Variants in NREP observed in about 807,000 individuals in gnomAD.
The protein encoded by NREP is neuronal regeneration-related protein.
Under a neutral mutation model 8.6 loss-of-function variants are expected in NREP, and 5 were observed. The ratio of observed to expected loss-of-function variants is 0.58; its 90% CI spans 0.30 to 1.22. The LOEUF is 1.22. Among genes scored for constraint, NREP ranks in the 50% most tolerant of loss-of-function variants. NREP has a pLI of 0.07. For missense variants in NREP, 86 were observed against 82.5 expected (o/e 1.04, Z -0.17); for synonymous variants, 27 against 28.0 (o/e 0.96, Z 0.11).
At chr5:111,852,397 G>A (rs926748947) in intron 2 of NREP, among the ~76,000 whole-genome samples, 1 of 152,094 alleles carries the variant, frequency 6.6e-6, no homozygotes, top group Non-Finnish European at 1.5e-5. Context: ...ACACTCTGAC[G>A]AGGGGCGCAG....
intron 2 of NREP, among the ~76,000 whole-genome samples, chr5:111,879,465 T>G (rs1307824284): frequency 2.0e-5 from 3 of 152,192 alleles, no homozygotes; most frequent in Non-Finnish European, 2.9e-5. Context: ...AAGGATAAAT[T>G]CAAAGCATAG....
chr5:111,805,106 G>T (rs1476214223), intron 2 of NREP, among the ~76,000 whole-genome samples: 1 of 150,136 alleles, frequency 6.7e-6, no homozygotes, highest in Non-Finnish European at 1.5e-5. Context: ...CTAAAAAAAG[G>T]TTCAGCTTCA....
At chr5:111,732,994 T>G (rs1010941928) in intron 3 of NREP, 1 of 152,178 alleles carries the variant, frequency 6.6e-6, no homozygotes, top group Admixed American at 6.5e-5. Flanking sequence ...GTACTAATCT[T>G]CTACCTCCAT....
At chr5:111,777,195 C>G (rs955868938) in intron 2 of NREP, among the ~76,000 whole-genome samples, 1 of 152,114 alleles carries the variant, frequency 6.6e-6, no homozygotes, top group African/African-American at 2.4e-5. Flanking sequence ...CTCAATTCTT[C>G]TATGGATGGT....
chr5:111,933,413 T>A (rs1047167342), intron 2 of NREP, among the ~76,000 whole-genome samples: 2 of 152,148 alleles, frequency 1.3e-5, no homozygotes, highest in Non-Finnish European at 2.9e-5. Context: ...TATGGAATAA[T>A]TTTTCAGTGG....
chr5:111,770,294 TTGAC>T (rs146107266), intron 2 of NREP, among the ~76,000 whole-genome samples: 2,114 of 152,318 alleles, frequency 0.014, 25 homozygotes, highest in Non-Finnish European at 0.022. Context: ...TGAGGTTTTA[TTGAC>T]TATTTCATAA....
intron 3 of NREP, chr5:111,733,733 A>G (rs990588055): frequency 6.6e-6 from 1 of 152,108 alleles, no homozygotes; most frequent in Non-Finnish European, 1.5e-5. Context: ...GACTTGAGTA[A>G]TTCAAGAGGC....
Position 111,881,845 on chromosome 5 carries a change from A to G in NREP, c.135+93429T>C, listed in dbSNP as rs1439176327. On this transcript the variant is annotated intron_variant, in intron 2 of 3. Coordinates refer to the NREP transcript ENST00000395634. ...AACCCATCTGTACATCACCATCATC[A>G]AAGACCAAAAATAGATAAAACCACA... 4.6e-5 allele frequency among the ~76,000 whole-genome samples: 7 copies of G among 151,810 alleles called. No individual in the cohort carries two copies. In the East Asian group the frequency reaches 1.4e-3, roughly 30 times the overall value.
intron 2 of NREP, among the ~76,000 whole-genome samples, chr5:111,750,826 G>A (rs888910487): frequency 3.9e-5 from 6 of 152,104 alleles, no homozygotes; most frequent in African/African-American, 1.4e-4. Flanking sequence ...AGATGGCATC[G>A]CACCACACTG....
intron 2 of NREP, among the ~76,000 whole-genome samples, chr5:111,892,776 G>A (rs1754424983): frequency 6.6e-6 from 1 of 152,010 alleles, no homozygotes; most frequent in Non-Finnish European, 1.5e-5. Context: ...AGGCTCTGGA[G>A]ACTTAGTGCC....
chr5:111,965,169 C>A (rs1035184154), intron 2 of NREP, among the ~76,000 whole-genome samples: 4 of 152,082 alleles, frequency 2.6e-5, no homozygotes, highest in African/African-American at 9.7e-5. Flanking sequence ...GAGAAGAAGC[C>A]ATCTCCTCTG....
intron 2 of NREP, among the ~76,000 whole-genome samples, chr5:111,880,360 A>C (rs1382340774): frequency 6.6e-6 from 1 of 152,220 alleles, no homozygotes. Flanking sequence ...GAGGTGGCTT[A>C]AACAATAGAA....
intron 2 of NREP, among the ~76,000 whole-genome samples, chr5:111,764,957 A>G (rs550704066): frequency 6.6e-6 from 1 of 152,192 alleles, no homozygotes; most frequent in South Asian, 2.1e-4. Flanking sequence ...TGATTTTATT[A>G]TTCCTATTTC....
chr5:111,770,762 G>A (rs1751201130), intron 2 of NREP, among the ~76,000 whole-genome samples: 1 of 151,712 alleles, frequency 6.6e-6, no homozygotes, highest in Admixed American at 6.6e-5. Context: ...TAGAGACAGG[G>A]TCTCACCGTG....
chr5:111,775,579 G>A (rs1751338979), intron 2 of NREP, among the ~76,000 whole-genome samples: 1 of 152,056 alleles, frequency 6.6e-6, no homozygotes, highest in South Asian at 2.1e-4. Flanking sequence ...ATGCATTAGA[G>A]CAGGATTATT....
intron 2 of NREP, among the ~76,000 whole-genome samples, chr5:111,972,941 A>G (rs1581264219): frequency 6.6e-6 from 1 of 152,274 alleles, no homozygotes; most frequent in South Asian, 2.1e-4. Flanking sequence ...AATTATGAAG[A>G]ATTCAAGAGA....
intron 2 of NREP, among the ~76,000 whole-genome samples, chr5:111,798,812 T>A (rs1413033414): frequency 1.3e-5 from 2 of 151,886 alleles, no homozygotes; most frequent in Non-Finnish European, 2.9e-5. Flanking sequence ...ACAGTTTCTT[T>A]ATCCACTCAT....
intron 2 of NREP, among the ~76,000 whole-genome samples, chr5:111,900,481 T>C (rs10075532): frequency 0.13 from 19,749 of 151,762 alleles, 1,722 homozygotes; most frequent in African/African-American, 0.24. Context: ...AATGAAAAGT[T>C]TTTTTTTAAA....
chr5:111,957,594 T>TAAAG (rs3985067), intron 2 of NREP, among the ~76,000 whole-genome samples: 72,418 of 151,010 alleles, frequency 0.48, 18,273 homozygotes, highest in African/African-American at 0.62. Flanking sequence ...CAAACCAAGA[T>TAAAG]AGAGTACAAG....
Sources: allele counts gnomAD v4.1 joint callset (sites outside exome capture counted in the v4.1 genomes callset), GRCh38; gene constraint gnomAD v4.1.1; transcripts MANE v1.5; gene names NCBI Gene and HGNC (gene_info 2026-07-23, HGNC 2026-07-21).